The following SARNP variants were observed in gnomAD, a reference collection of about 807,000 sequenced individuals.
SARNP encodes SAP domain-containing ribonucleoprotein.
SARNP carries 5 observed loss-of-function variants against 38.1 expected under a neutral mutation model. The observed-to-expected ratio is 0.13, with a 90% CI of 0.07 to 0.28. SARNP has a LOEUF of 0.28. Ranked by LOEUF, SARNP falls within the 10% of genes least tolerant of loss-of-function variation. SARNP has a pLI of 1.00. For missense variants in SARNP, 180 were observed against 243.9 expected, an observed-to-expected ratio of 0.74 and a Z score of 1.75; for synonymous variants, 84 against 80.6, an observed-to-expected ratio of 1.04 and a Z score of -0.23.
intron 9 of SARNP, among the ~76,000 whole-genome samples, chr12:55,783,417 C>A (rs1262410256): frequency 6.6e-6 from 1 of 152,088 alleles, no homozygotes; most frequent in Non-Finnish European, 1.5e-5. Context: ...CAATTTACAG[C>A]CTCTTGTGTA....
At chr12:55,817,490 G>A (rs549112150) in intron 1 of SARNP, among the ~76,000 whole-genome samples, 176 bp downstream of exon 1, 2 of 152,370 alleles carry the variant, frequency 1.3e-5, no homozygotes, top group Admixed American at 6.5e-5. Context: ...GCCGTGAGGA[G>A]AAATGGGAAA....
intron 1 of SARNP, among the ~76,000 whole-genome samples, chr12:55,805,983 G>C (rs1352317420): frequency 6.6e-6 from 1 of 151,658 alleles, no homozygotes; most frequent in African/African-American, 2.4e-5. Flanking sequence ...GTTGCAGTGA[G>C]CCGAGATCAC....
chr12:55,799,571 T>TTTTTTC (rs779949819), intron 4 of SARNP, among the ~76,000 whole-genome samples: 1,767 of 146,030 alleles, frequency 0.012, 36 homozygotes, highest in Non-Finnish European at 0.02. Context: ...TTTTTTTTTT[T>TTTTTTC]TTTTCCCGAG....
intron 4 of SARNP, among the ~76,000 whole-genome samples, chr12:55,797,000 G>C (rs1160200766): frequency 1.3e-5 from 2 of 152,112 alleles, no homozygotes; most frequent in African/African-American, 4.8e-5. Flanking sequence ...AGGGGCGGGA[G>C]ACAAAGTTCG....
rs533413173 is a variant in SARNP at position 55,757,348 on chromosome 12, A to G, written c.*164T>C. The stretch of plus-strand genomic sequence containing the variant: ...CAACAACCTTAAAGCTGAAACAGCA[A>G]TAAGTCAAACTGCTGCCGCAGTTCA... On this transcript the variant is annotated 3_prime_UTR_variant, in exon 11 of 11. Coordinates refer to ENST00000336133, the MANE Select transcript of SARNP (RefSeq NM_033082.4). The G allele has an allele frequency of 6.6e-6, 3 of 455,702 alleles. No individual in the cohort carries two copies. The highest frequency in any genetic ancestry group is 3.5e-5 in the East Asian group (1 of 28,762). 28.2% of individuals were successfully genotyped at this position (455,702 alleles called of 1,614,324 possible). A position where few individuals can be genotyped will look rare whatever the true frequency, so the allele number is the denominator to read the frequency against.
rs1337203278 is a variant in SARNP, at chr12:55,764,546, AAAG to A, written c.502-3909_502-3907del. On this transcript the variant is annotated intron_variant, in intron 9 of 10. Coordinates refer to ENST00000336133, the MANE Select transcript of SARNP (RefSeq NM_033082.4). ...AACTCCATTTCAAAAAAAAAAAAAA[AAAG>A]AATAAGGCTGGGCGCAGTGGCTCAC... is the stretch of plus-strand genomic sequence containing the variant. Among the ~76,000 whole-genome samples the A allele has an allele frequency of 6.6e-5, 10 of 151,172 alleles. No homozygotes were observed. The East Asian group carries it at 1.9e-3, about 29-fold the overall frequency.
intron 9 of SARNP, among the ~76,000 whole-genome samples, chr12:55,779,647 C>T (rs1295981841): frequency 6.6e-6 from 1 of 152,114 alleles, no homozygotes; most frequent in Non-Finnish European, 1.5e-5. Flanking sequence ...TACAGCCATA[C>T]TTAAACTAAG....
chr12:55,774,019 T>C (rs1409147773), intron 9 of SARNP, among the ~76,000 whole-genome samples: 2 of 152,036 alleles, frequency 1.3e-5, no homozygotes, highest in Admixed American at 1.3e-4. Context: ...TTTTTTCTTT[T>C]TGAGACAGAG....
chr12:55,764,765 G>A (rs1447909980), intron 9 of SARNP, among the ~76,000 whole-genome samples: 1 of 149,478 alleles, frequency 6.7e-6, no homozygotes, highest in Middle Eastern at 3.2e-3. Flanking sequence ...CCGAGAGGCG[G>A]AGGTTGCAGG....
At chr12:55,763,483 T>C (rs1013951540) in intron 9 of SARNP, among the ~76,000 whole-genome samples, 6 of 152,144 alleles carry the variant, frequency 3.9e-5, no homozygotes, top group African/African-American at 7.2e-5. Flanking sequence ...AATTTTTGTA[T>C]TTTTAGTAGA....
intron 9 of SARNP, among the ~76,000 whole-genome samples, chr12:55,768,659 C>G (rs1396572471): frequency 6.6e-6 from 1 of 151,906 alleles, no homozygotes; most frequent in Non-Finnish European, 1.5e-5. Context: ...AACTCCTGAC[C>G]TCAGGCGATC....
At chr12:55,802,734 A>G (rs137958220) in intron 2 of SARNP, among the ~76,000 whole-genome samples, 402 of 151,504 alleles carry the variant, frequency 2.7e-3, no homozygotes, top group African/African-American at 9.5e-3. Flanking sequence ...AATATATACT[A>G]TATACTATTA....
chr12:55,759,495 CTGCCTCCCGGTTTCAAGAGATTCTCA>C (rs917733115), intron 10 of SARNP, among the ~76,000 whole-genome samples: 3 of 151,660 alleles, frequency 2.0e-5, no homozygotes, highest in Non-Finnish European at 4.4e-5. Context: ...ACCGCAACCT[CTGCCTCCCGGTTTCAAGAGATTCTCA>C]TGCCTCGGTC....
In SARNP at chr12:55,794,813, G is replaced by C; in HGVS notation, c.371C>G (p.Ala124Gly). The C allele has an allele frequency of 1.2e-6, 2 of 1,606,668 alleles. No individual in the cohort carries two copies. Among genetic ancestry groups the C allele is most frequent in the Non-Finnish European group, 1.7e-6 (2 of 1,173,610 alleles). Residue 124 changes from alanine to glycine, a missense_variant, in exon 6 of 11, where the codon GCA becomes GGA. Physicochemically the swap from Ala to Gly is moderately conservative, Grantham distance 60. Transcript: ENST00000336133. ...VSLESKKAARAARFGISSVPT... is the reference protein window; with the variant it reads ...VSLESKKAARGARFGISSVPT... ...AAAGGCTGGGGACACTCACCTAGCT[G>C]CCCGAGCAGCTTTCTTACTCTCCAA... is the stretch of plus-strand genomic sequence containing the variant.
At chr12:55,794,978 A>G in intron 5 of SARNP, 98 bp from the exon 6 acceptor site, 1 of 659,494 alleles carries the variant, frequency 1.5e-6, no homozygotes, top group South Asian at 1.9e-5. Context: ...AAAAAAAAAA[A>G]AAAAAGAGTC....
intron 1 of SARNP, among the ~76,000 whole-genome samples, chr12:55,810,626 A>AT (rs1448400871): frequency 6.6e-6 from 1 of 151,416 alleles, no homozygotes; most frequent in Non-Finnish European, 1.5e-5. Flanking sequence ...CTAATTTTGT[A>AT]TTTTTTAGAA....
At chr12:55,757,941 T>G (rs1232763288) in intron 10 of SARNP, among the ~76,000 whole-genome samples, 2 of 152,188 alleles carry the variant, frequency 1.3e-5, no homozygotes, top group Non-Finnish European at 2.9e-5. Context: ...ACGGAAGATT[T>G]CAGAGGATAA....
intron 1 of SARNP, among the ~76,000 whole-genome samples, chr12:55,811,557 G>A (rs755832303): frequency 2.0e-5 from 3 of 151,048 alleles, no homozygotes; most frequent in Non-Finnish European, 4.4e-5. Flanking sequence ...GAGAAAAAGC[G>A]AGACACTGTC....
chr12:55,797,204 T>C (rs2136199033), intron 4 of SARNP, among the ~76,000 whole-genome samples: 1 of 152,308 alleles, frequency 6.6e-6, no homozygotes, highest in East Asian at 1.9e-4. Flanking sequence ...GAGGAAGCAA[T>C]TCTGGAATAA....
Sources: allele counts gnomAD v4.1 joint callset (sites outside exome capture counted in the v4.1 genomes callset), GRCh38; gene constraint gnomAD v4.1.1; transcripts MANE v1.5; gene names NCBI Gene and HGNC (gene_info 2026-07-23, HGNC 2026-07-21).